Variants in RALGPS1 observed in about 807,000 individuals in gnomAD.
RALGPS1 encodes ras-specific guanine nucleotide-releasing factor RalGPS1.
A neutral mutation model predicts 78.8 loss-of-function variants in RALGPS1; 19 were observed. That is an observed-to-expected ratio of 0.24 (90% confidence interval 0.17 to 0.35). The LOEUF (loss-of-function observed/expected upper bound fraction) is 0.35. RALGPS1 is among the 10% of genes least tolerant of loss of function. The probability of loss-of-function intolerance (pLI) is 1.00; values close to 1 mark genes in which losing one functional copy is unlikely to be tolerated. For synonymous variants in RALGPS1, 228 were observed against 256.3 expected (o/e 0.89, Z 1.06); for missense variants, 454 against 688.3 (o/e 0.66, Z 3.81).
chr9:127,095,184 G>C (rs747478259), intron 8 of RALGPS1, among the ~76,000 whole-genome samples: 71 of 152,208 alleles, frequency 4.7e-4, no homozygotes, highest in Admixed American at 2.1e-3. Flanking sequence ...AGATCACAAA[G>C]TCAGGAGATC....
At chr9:126,994,374 G>A (rs1209145697) in intron 4 of RALGPS1, among the ~76,000 whole-genome samples, 2 of 152,202 alleles carry the variant, frequency 1.3e-5, no homozygotes, top group Non-Finnish European at 2.9e-5. Context: ...CGAGAGCTAC[G>A]TGATGAATGC....
chr9:127,140,023 A>C (rs17375932), intron 8 of RALGPS1, among the ~76,000 whole-genome samples: 57,748 of 152,094 alleles, frequency 0.38, 12,725 homozygotes, highest in Non-Finnish European at 0.48. Flanking sequence ...ATGGCTTGTC[A>C]CAATGCTTGG....
At chr9:127,088,168 A>G (rs1262783497) in intron 8 of RALGPS1, 1 of 152,384 alleles carries the variant, frequency 6.6e-6, no homozygotes, top group South Asian at 2.1e-4. Context: ...CACAGAAGGC[A>G]CTTAATGAAT....
intron 1 of RALGPS1, among the ~76,000 whole-genome samples, chr9:126,935,138 C>G (rs577212731): frequency 2.0e-5 from 3 of 152,192 alleles, no homozygotes; most frequent in African/African-American, 2.4e-5. Context: ...TCCTTAAACC[C>G]TCATGACACT....
intron 7 of RALGPS1, among the ~76,000 whole-genome samples, chr9:127,063,979 C>T (rs1289284744): frequency 6.6e-6 from 1 of 152,204 alleles, no homozygotes; most frequent in African/African-American, 2.4e-5. Flanking sequence ...ATACCAGATG[C>T]AGGGAACAGT....
intron 4 of RALGPS1, among the ~76,000 whole-genome samples, chr9:127,013,831 T>C (rs1446333495): frequency 6.6e-6 from 1 of 152,152 alleles, no homozygotes; most frequent in East Asian, 1.9e-4. Context: ...TTCCCACAGG[T>C]CCTTGAACCT....
chr9:127,181,311 CG>C (rs1236077388), intron 11 of RALGPS1, among the ~76,000 whole-genome samples: 1 of 152,236 alleles, frequency 6.6e-6, no homozygotes, highest in African/African-American at 2.4e-5. Context: ...CAAGCACCAT[CG>C]TAAGTGCTTG....
intron 8 of RALGPS1, among the ~76,000 whole-genome samples, chr9:127,155,087 G>A (rs2058638914): frequency 6.6e-6 from 1 of 152,230 alleles, no homozygotes; most frequent in African/African-American, 2.4e-5. Context: ...GGATACCACA[G>A]TGTGGGGCTG....
At chr9:127,185,202 A>G (rs1223699659) in intron 11 of RALGPS1, among the ~76,000 whole-genome samples, 6 of 152,130 alleles carry the variant, frequency 3.9e-5, no homozygotes, top group Admixed American at 3.9e-4. Context: ...TCTCCAACCA[A>G]AGCAAACTTT....
intron 3 of RALGPS1, among the ~76,000 whole-genome samples, chr9:126,976,913 G>C (rs922111994): frequency 2.0e-5 from 3 of 152,184 alleles, no homozygotes; most frequent in African/African-American, 7.2e-5. Flanking sequence ...CACCAGATGA[G>C]GTTCTTATGA....
intron 6 of RALGPS1, among the ~76,000 whole-genome samples, chr9:127,050,781 C>T (rs926414850): frequency 6.6e-6 from 1 of 152,200 alleles, no homozygotes; most frequent in Non-Finnish European, 1.5e-5. Flanking sequence ...TGGTTTCAAC[C>T]ACCCAGGCTT....
chr9:127,192,661 A>G (rs1421964080), intron 11 of RALGPS1, among the ~76,000 whole-genome samples: 2 of 152,184 alleles, frequency 1.3e-5, no homozygotes, highest in Non-Finnish European at 2.9e-5. Context: ...CTGTGTCAAA[A>G]AAAAAGAAAA....
At chr9:126,961,888 C>T (rs764299858) in intron 1 of RALGPS1, among the ~76,000 whole-genome samples, 4 of 152,204 alleles carry the variant, frequency 2.6e-5, no homozygotes, top group South Asian at 2.1e-4. Context: ...GACTCAAAGG[C>T]CCTGCTCCAA....
intron 1 of RALGPS1, among the ~76,000 whole-genome samples, chr9:126,956,353 T>C (rs1239718218): frequency 6.6e-6 from 1 of 152,192 alleles, no homozygotes; most frequent in Non-Finnish European, 1.5e-5. Context: ...TGGGGGTTTC[T>C]CTGAGCCTTG....
intron 8 of RALGPS1, among the ~76,000 whole-genome samples, chr9:127,148,252 C>T (rs2058215603): frequency 6.6e-6 from 1 of 152,230 alleles, no homozygotes; most frequent in Non-Finnish European, 1.5e-5. Flanking sequence ...GCCTCCCAAG[C>T]TGTGAGCCCC....
At chr9:126,971,479 T>C (rs1385497420) in intron 3 of RALGPS1, among the ~76,000 whole-genome samples, 1 of 152,076 alleles carries the variant, frequency 6.6e-6, no homozygotes, top group Non-Finnish European at 1.5e-5. Context: ...CAGTCTTTTT[T>C]GACAGAAACA....
At chr9:127,175,948 A>T (rs2059844284) in intron 11 of RALGPS1, among the ~76,000 whole-genome samples, 1 of 152,118 alleles carries the variant, frequency 6.6e-6, no homozygotes, top group African/African-American at 2.4e-5. Context: ...CACAGAGCCC[A>T]TAGGGCCAGT....
At position 127,218,925 on chromosome 9, in the gene RALGPS1, G is replaced by A; in HGVS notation, c.*156G>A. ...GGCCTGTGGCCTCACCATCCCAGAG[G>A]GCTTCACCAGTGTGGGATCCACCTG... On this transcript the variant is annotated 3_prime_UTR_variant, in exon 19 of 19. Coordinates refer to ENST00000259351, the MANE Select transcript of RALGPS1 (RefSeq NM_014636.3). The surrounding 1 kb of genome is among the most constrained non-coding windows in gnomAD (Gnocchi z 4.4). 2 of 808,406 alleles carry A rather than the reference G, an allele frequency of 2.5e-6. No individual in the cohort carries two copies. Among genetic ancestry groups the A allele is most frequent in the African/African-American group, 1.7e-5 (1 of 58,906 alleles). 50.1% of individuals were successfully genotyped at this position (808,406 alleles called of 1,614,324 possible). A position where few individuals can be genotyped will look rare whatever the true frequency, so the allele number is the denominator to read the frequency against.
intron 6 of RALGPS1, among the ~76,000 whole-genome samples, chr9:127,051,271 AG>A (rs767372143): frequency 6.6e-6 from 1 of 152,212 alleles, no homozygotes; most frequent in Non-Finnish European, 1.5e-5. Context: ...CTGGGCTGTC[AG>A]TTTGGAAATG....
Sources: gnomAD v4.1 joint callset for allele counts (sites outside exome capture counted in the v4.1 genomes callset) on GRCh38, gnomAD v4.1.1 for gene constraint, Gnocchi (gnomAD v3.1) non-coding constraint, MANE v1.5 for transcripts, NCBI Gene and HGNC (gene_info 2026-07-23, HGNC 2026-07-21) for gene names.